TSPO2: variants seen among roughly 807,000 people sequenced by gnomAD.
The protein encoded by TSPO2 is benzodiazapine receptor (peripheral)-like 1.
A neutral mutation model predicts 13.3 loss-of-function variants in TSPO2; 15 were observed. That is an observed-to-expected ratio of 1.13 (90% confidence interval 0.75 to 1.73). The LOEUF (loss-of-function observed/expected upper bound fraction) is 1.73, where lower values mean the gene tolerates loss of function less well. TSPO2 is among the 40% of genes most tolerant of loss of function. TSPO2 has a pLI of 0.00. For missense variants in TSPO2, 202 were observed against 198.3 expected (o/e 1.02, Z -0.11); for synonymous variants, 81 against 91.6 (o/e 0.88, Z 0.66).
chr6:41,042,926 A>G, intron 1 of TSPO2, 40 bp from the exon 2 acceptor site: 2 of 1,590,990 alleles, frequency 1.3e-6, no homozygotes, highest in African/African-American at 1.3e-5. Flanking sequence ...GAGGAGCCGC[A>G]GGGGAAGGCT....
rs2114017532 is a variant in TSPO2, at chr6:41,043,560, T to C, written c.177T>C (p.Tyr59=). 2 of 1,584,446 alleles carry C rather than the reference T, an allele frequency of 1.3e-6. No homozygotes were observed. Among genetic ancestry groups the C allele is most frequent in the Admixed American group, 1.9e-5 (1 of 53,100 alleles). Reference sequence around the variant, plus strand: ...TTTTGCCACCATGTCTCCACAGCTATGCCTCCTACCTGGTGTGGAAGGACC... The same window carrying C: ...TTTTGCCACCATGTCTCCACAGCTACGCCTCCTACCTGGTGTGGAAGGACC... ...VQTAIYSVVG[Y]ASYLVWKDLG... is the part of the protein sequence containing the mutation. Residue 59 remains tyrosine (Y), a synonymous_variant, in exon 3 of 4, where the codon TAT becomes TAC. Coordinates refer to ENST00000373161, the MANE Select transcript of TSPO2 (RefSeq NM_001010873.3).
At chr6:41,041,867 A>C (rs1019551640), upstream of TSPO2, among the ~76,000 whole-genome samples, 3 of 152,038 alleles carry the variant, frequency 2.0e-5, no homozygotes. Flanking sequence ...CCCAGCTACT[A>C]GGGAGGCTGA....
Position 41,043,577 on chromosome 6 carries a change from G to A in TSPO2, c.194G>A (p.Trp65Ter), listed in dbSNP as rs1000324590. The A allele has an allele frequency of 1.2e-6, 2 of 1,603,532 alleles. No homozygotes were observed. The highest frequency in any genetic ancestry group is 1.7e-6 in the Non-Finnish European group (2 of 1,175,032). Residue 65 changes from tryptophan (W) to a stop codon, truncating the protein, a stop_gained, in exon 3 of 4, where the codon TGG (tryptophan) becomes TAG (stop). Transcript: ENST00000373161. LOFTEE classifies it high-confidence loss of function. ...SVVGYASYLV[W>*]KDLGGGLGWP... Reference sequence around the variant, plus strand: ...CACAGCTATGCCTCCTACCTGGTGTGGAAGGACCTGGGAGGGGGCTTGGGG... The same window carrying A: ...CACAGCTATGCCTCCTACCTGGTGTAGAAGGACCTGGGAGGGGGCTTGGGG...
upstream of TSPO2, among the ~76,000 whole-genome samples, chr6:41,041,398 G>GC (rs546356119): frequency 3.7e-4 from 57 of 152,218 alleles, no homozygotes; most frequent in African/African-American, 1.2e-3. Context: ...ATGTCATCAG[G>GC]CCCCCCGCCT....
chr6:41,043,193 C>A, intron 2 of TSPO2, 35 bp downstream of exon 2: 1 of 1,581,750 alleles, frequency 6.3e-7, no homozygotes, highest in Non-Finnish European at 8.6e-7. Flanking sequence ...GCCCTGGTAC[C>A]CAATGGGGTG....
In TSPO2 at chr6:41,042,997, A is replaced by G; in HGVS notation, c.12A>G (p.Gln4=). 1.2e-5 allele frequency: 19 copies of G among 1,613,876 alleles called. No individual in the cohort carries two copies. The highest frequency in any genetic ancestry group is 1.5e-5 in the Non-Finnish European group (18 of 1,179,864). The change falls in exon 2 of 4, where the codon CAA becomes CAG. Residue 4 remains glutamine (Q), a synonymous_variant. Transcript: ENST00000373161. MRL[Q]GAIFVLLPHL... is the part of the protein sequence containing the mutation. ...CCTCTTCAAGGTGAATGCGGCTTCA[A>G]GGGGCTATCTTTGTGCTCCTGCCCC...
rs1762641246 is a variant in TSPO2, at chr6:41,044,155, G to A, written c.*18G>A. On this transcript the variant is annotated 3_prime_UTR_variant, in exon 4 of 4. Coordinates refer to ENST00000373161, the MANE Select transcript of TSPO2 (RefSeq NM_001010873.3). ...GTGACTGAGGCCCTAGGGCATGGGA[G>A]AGGAGGGACGCCCAGGGTGGGGAGG... The A allele has an allele frequency of 1.9e-6, 3 of 1,613,556 alleles. No individual in the cohort carries two copies. Among genetic ancestry groups the A allele is most frequent in the African/African-American group, 1.3e-5 (1 of 74,920 alleles).
upstream of TSPO2, among the ~76,000 whole-genome samples, chr6:41,041,944 C>T (rs1762594380): frequency 1.3e-5 from 2 of 151,094 alleles, no homozygotes; most frequent in African/African-American, 4.9e-5. Context: ...CACTGCACTC[C>T]AGCCTGGACA....
At chr6:41,043,515 A>C in intron 2 of TSPO2, 42 bp from the exon 3 acceptor site, 1 of 1,537,206 alleles carries the variant, frequency 6.5e-7, no homozygotes, top group Non-Finnish European at 8.8e-7. Flanking sequence ...TTTGCCACGG[A>C]ACCTCCTCCC....
At chr6:41,043,915 G>C (rs776585580) in intron 3 of TSPO2, 25 bp from the exon 4 acceptor site, 3 of 1,606,052 alleles carry the variant, frequency 1.9e-6, no homozygotes, top group Non-Finnish European at 1.7e-6. Flanking sequence ...CGGGCAGCCA[G>C]CTGACCCCCG....
At chr6:41,041,885 G>A (rs1762593511), upstream of TSPO2, among the ~76,000 whole-genome samples, 2 of 151,932 alleles carry the variant, frequency 1.3e-5, no homozygotes, top group Non-Finnish European at 2.9e-5. Flanking sequence ...TGAGACAGGA[G>A]AATCACTTGA....
chr6:41,044,180 G>A lies in TSPO2; in HGVS notation c.*43G>A. ...GAGGAGGGACGCCCAGGGTGGGGAG[G>A]AAGAGTCTGCAAGCAGGGCTGTGGA... On this transcript the variant is annotated 3_prime_UTR_variant, in exon 4 of 4. Coordinates refer to ENST00000373161, the MANE Select transcript of TSPO2 (RefSeq NM_001010873.3). 1 of 1,605,746 alleles carries A rather than the reference G, an allele frequency of 6.2e-7. No individual in the cohort carries two copies. The highest frequency in any genetic ancestry group is 8.5e-7 in the Non-Finnish European group (1 of 1,173,514).
chr6:41,042,116 G>A (rs1762596493), upstream of TSPO2, among the ~76,000 whole-genome samples: 1 of 152,186 alleles, frequency 6.6e-6, no homozygotes, highest in South Asian at 2.1e-4. Context: ...TGATATTTGT[G>A]GGGCCTTGGT....
Position 41,043,976 on chromosome 6 carries a change from G to C in TSPO2, c.352G>C (p.Val118Leu). The change falls in exon 4 of 4, where the codon GTG becomes CTG. Residue 118 changes from valine to leucine, a missense_variant. Val to Leu is a conservative substitution (Grantham distance 32). Coordinates refer to ENST00000373161, the MANE Select transcript of TSPO2 (RefSeq NM_001010873.3). ...LHLLLLYGLV[V>L]STALIWHPIN... ...CCTGCTGCTGCTGTATGGGCTGGTGGTGAGCACAGCACTGATCTGGCATCC... is the reference window on the plus strand; with the variant it reads ...CCTGCTGCTGCTGTATGGGCTGGTGCTGAGCACAGCACTGATCTGGCATCC... 1 of 1,614,082 alleles carries C rather than the reference G, an allele frequency of 6.2e-7. No homozygotes were observed. Among genetic ancestry groups the C allele is most frequent in the Non-Finnish European group, 8.5e-7 (1 of 1,179,988 alleles).
At chr6:41,041,533 G>A (rs1285348487), upstream of TSPO2, among the ~76,000 whole-genome samples, 1 of 152,208 alleles carries the variant, frequency 6.6e-6, no homozygotes, top group Non-Finnish European at 1.5e-5. Flanking sequence ...TCCACCACTG[G>A]ACAGAAATGT....
At chr6:41,043,807 TG>T in intron 3 of TSPO2, 109 bp downstream of exon 3, 15 of 1,526,714 alleles carry the variant, frequency 9.8e-6, no homozygotes, top group Non-Finnish European at 1.3e-5. Context: ...AGGTAATGGG[TG>T]GGCAGACTTC....
rs747553756 is a variant in TSPO2, at chr6:41,043,001, G to A, written c.16G>A (p.Ala6Thr). ...TTCAAGGTGAATGCGGCTTCAAGGGGCTATCTTTGTGCTCCTGCCCCACCT... is the reference window on the plus strand; with the variant it reads ...TTCAAGGTGAATGCGGCTTCAAGGGACTATCTTTGTGCTCCTGCCCCACCT... Reference protein sequence around the residue: MRLQGAIFVLLPHLGP... With the variant: MRLQGTIFVLLPHLGP... The change falls in exon 2 of 4, where the codon GCT becomes ACT. Residue 6 changes from alanine (A) to threonine (T), a missense_variant. Transcript: ENST00000373161. 3.7e-6 allele frequency: 6 copies of A among 1,613,926 alleles called. No individual in the cohort carries two copies. The highest frequency in any genetic ancestry group is 4.2e-6 in the Non-Finnish European group (5 of 1,179,896).
Position 41,042,686 on chromosome 6 carries a change from T to A in TSPO2, c.-113T>A. On this transcript the variant is annotated 5_prime_UTR_variant, in exon 1 of 4. Coordinates refer to ENST00000373161, the MANE Select transcript of TSPO2 (RefSeq NM_001010873.3). Reference sequence around the variant, plus strand: ...AGCACTTGGAGGAAGGCCTATTCACTTAGAAGCAGTTACCAGTGCTGGGCA... The same window carrying A: ...AGCACTTGGAGGAAGGCCTATTCACATAGAAGCAGTTACCAGTGCTGGGCA... 1 of 575,432 alleles carries A rather than the reference T, an allele frequency of 1.7e-6. No homozygotes were observed. Among genetic ancestry groups the A allele is most frequent in the Non-Finnish European group, 3.3e-6 (1 of 304,496 alleles). 35.6% of individuals were successfully genotyped at this position (575,432 alleles called of 1,614,324 possible). A position where few individuals can be genotyped will look rare whatever the true frequency, so the allele number is the denominator to read the frequency against.
chr6:41,042,286 T>A (rs1451905306), upstream of TSPO2, among the ~76,000 whole-genome samples: 1 of 152,150 alleles, frequency 6.6e-6, no homozygotes, highest in Admixed American at 6.5e-5. Context: ...ATCCTGACAC[T>A]CTGGGAATGG....
Sources: gnomAD v4.1 joint callset for allele counts (sites outside exome capture counted in the v4.1 genomes callset) on GRCh38, gnomAD v4.1.1 for gene constraint, MANE v1.5 for transcripts, NCBI Gene and HGNC (gene_info 2026-07-23, HGNC 2026-07-21) for gene names.